The following MYOC variants were observed in gnomAD, a reference collection of about 807,000 sequenced individuals.
MYOC encodes the protein juvenile-onset open-angle glaucoma 1.
MYOC carries 29 observed loss-of-function variants against 28.2 expected under a neutral mutation model. The ratio of observed to expected loss-of-function variants is 1.03; its 90% CI spans 0.77 to 1.40. The LOEUF (loss-of-function observed/expected upper bound fraction) is 1.40. MYOC is among the 40% of genes most tolerant of loss of function. The pLI is 0.00. For missense variants in MYOC, 569 were observed against 620.6 expected (o/e 0.92, Z 0.88); for synonymous variants, 240 against 245.6 (o/e 0.98, Z 0.21).
intron 1 of MYOC, among the ~76,000 whole-genome samples, chr1:171,648,958 G>C (rs750172175): frequency 1.1e-4 from 16 of 150,694 alleles, no homozygotes; most frequent in Non-Finnish European, 1.6e-4. Context: ...AAGTGCTAAG[G>C]TTACAGGTGT....
rs1270841723 is a variant in MYOC, at chr1:171,636,185, T to C, written c.1255A>G (p.Thr419Ala). 1.2e-5 allele frequency: 19 copies of C among 1,614,142 alleles called. No homozygotes were observed. Among genetic ancestry groups the C allele is most frequent in the Non-Finnish European group, 1.5e-5 (18 of 1,180,026 alleles). ...GCGACTGACTGCTTACGGATGTTTG[T>C]CTCCCAGGTTTGTTCGAGTTCCAGA... ...ENLELEQTWE[T>A]NIRKQSVANA... The change falls in exon 3 of 3, where the codon ACA becomes GCA. Residue 419 changes from threonine (T) to alanine (A), a missense_variant. By Grantham distance (58) the Thr-to-Ala change is moderately conservative. Coordinates refer to ENST00000037502, the MANE Select transcript of MYOC (RefSeq NM_000261.2).
chr1:171,643,791 T>A (rs1653135306), intron 1 of MYOC, among the ~76,000 whole-genome samples: 1 of 147,996 alleles, frequency 6.8e-6, no homozygotes, highest in African/African-American at 2.5e-5. Flanking sequence ...ACCAACATGC[T>A]GAAACCCTGT....
chr1:171,644,577 C>CT (rs10545148), intron 1 of MYOC, among the ~76,000 whole-genome samples: 4,423 of 140,136 alleles, frequency 0.032, 115 homozygotes, highest in Non-Finnish European at 0.053. Context: ...TAAAAAACAG[C>CT]TTTTTTTTTT....
At position 171,652,529 on chromosome 1, in the gene MYOC, C is replaced by G. The variant is rs149532234; in HGVS notation, c.83G>C (p.Trp28Ser). The G allele has an allele frequency of 1.6e-5, 26 of 1,614,090 alleles. No individual in the cohort carries two copies. The highest frequency in any genetic ancestry group is 1.9e-5 in the Non-Finnish European group (22 of 1,180,036). Residue 28 changes from tryptophan to serine, a missense_variant, in exon 1 of 3, where the codon TGG becomes TCG. Physicochemically the swap from Trp to Ser is radical, Grantham distance 177. Coordinates refer to ENST00000037502, the MANE Select transcript of MYOC (RefSeq NM_000261.2). ...CTGAGCTGTCCTGGCCCCCACATCC[C>G]ACACCAGGCAGGCCAGAAGCAGCAG... ...VQLLLLACLV[W>S]DVGARTAQLR...
In MYOC at chr1:171,636,038, T is replaced by C; in HGVS notation, c.1402A>G (p.Lys468Glu). The change falls in exon 3 of 3, where the codon AAG becomes GAG. Residue 468 changes from lysine to glutamate, a missense_variant. Physicochemically the swap from Lys to Glu is moderately conservative, Grantham distance 56 (BLOSUM62 1). Transcript: ENST00000037502. ...GISKTLTIPF[K>E]NRYKYSSMID... ...ATGCTGCTGTACTTATAGCGGTTCTTGAATGGGATGGTCAGGGTCTTGCTG... is the reference window on the plus strand; with the variant it reads ...ATGCTGCTGTACTTATAGCGGTTCTCGAATGGGATGGTCAGGGTCTTGCTG... 6.2e-7 allele frequency: 1 copy of C among 1,614,180 alleles called. No individual in the cohort carries two copies. Among genetic ancestry groups the C allele is most frequent in the Non-Finnish European group, 8.5e-7 (1 of 1,180,028 alleles).
At position 171,652,452 on chromosome 1, in the gene MYOC, C is replaced by G; in HGVS notation, c.160G>C (p.Ala54Pro). ...SGRCQYTFSV[A>P]SPNESSCPEQ... is the part of the protein sequence containing the mutation. ...GGGCAGCTGGATTCATTGGGACTGG[C>G]CACACTGAAGGTATACTGGCATCGG... The change falls in exon 1 of 3, where the codon GCC (alanine) becomes CCC (proline). Residue 54 changes from alanine to proline, a missense_variant. Physicochemically the swap from Ala to Pro is conservative, Grantham distance 27. Coordinates refer to ENST00000037502, the MANE Select transcript of MYOC (RefSeq NM_000261.2). 6.2e-7 allele frequency: 1 copy of G among 1,614,216 alleles called. No individual in the cohort carries two copies. Among genetic ancestry groups the G allele is most frequent in the Non-Finnish European group, 8.5e-7 (1 of 1,180,048 alleles).
rs761877439 is a variant in MYOC, at chr1:171,652,493, G to A, written c.119C>T (p.Ala40Val). The A allele has an allele frequency of 6.2e-7, 1 of 1,614,090 alleles. No individual in the cohort carries two copies. Among genetic ancestry groups the A allele is most frequent in the Non-Finnish European group, 8.5e-7 (1 of 1,180,038 alleles). The change falls in exon 1 of 3, where the codon GCC (alanine) becomes GTC (valine). Residue 40 changes from alanine to valine, a missense_variant. Ala to Val is a moderately conservative substitution (Grantham distance 64). Transcript: ENST00000037502. ...VGARTAQLRKANDQSGRCQYT... is the reference protein window; with the variant it reads ...VGARTAQLRKVNDQSGRCQYT... Reference sequence around the variant, plus strand: ...CTGGCATCGGCCACTCTGGTCATTGGCCTTCCTGAGCTGAGCTGTCCTGGC... The same window carrying A: ...CTGGCATCGGCCACTCTGGTCATTGACCTTCCTGAGCTGAGCTGTCCTGGC...
Position 171,652,303 on chromosome 1 carries a change from G to A in MYOC, c.309C>T (p.Thr103=), listed in dbSNP as rs368702811. 88 of 1,611,394 alleles carry A rather than the reference G, an allele frequency of 5.5e-5. 2 individuals carry two copies. The South Asian group carries it at 9.3e-4, about 17-fold the overall frequency. ...CCTGGGGCCTGGCAGCCTGGTCCAA[G>A]GTCAATTGGTGGAGGAGGCTCTCCA... ...SSLESLLHQL[T]LDQAARPQET... The change falls in exon 1 of 3, where the codon ACC becomes ACT. Residue 103 remains threonine, a synonymous_variant. Coordinates refer to ENST00000037502, the MANE Select transcript of MYOC (RefSeq NM_000261.2).
intron 1 of MYOC, among the ~76,000 whole-genome samples, chr1:171,641,783 G>A (rs1200995233): frequency 1.3e-5 from 2 of 152,206 alleles, no homozygotes; most frequent in African/African-American, 4.8e-5. Context: ...GTTCAGGACA[G>A]TGGGAGGAAA....
chr1:171,641,596 T>C (rs1401204253), intron 1 of MYOC, among the ~76,000 whole-genome samples: 1 of 152,178 alleles, frequency 6.6e-6, no homozygotes, highest in Non-Finnish European at 1.5e-5. Flanking sequence ...AGTCCTTTGC[T>C]AACCGTAGGA....
intron 1 of MYOC, 145 bp from the exon 2 acceptor site, chr1:171,638,867 G>A (rs1435463344): frequency 2.5e-6 from 2 of 804,610 alleles, no homozygotes; most frequent in Non-Finnish European, 2.0e-6. Flanking sequence ...GCCGAGGCAG[G>A]CGGATCACCT....
In MYOC at chr1:171,635,994, C is replaced by G; in HGVS notation, c.1446G>C (p.Leu482=). The G allele has an allele frequency of 2.5e-6, 4 of 1,614,152 alleles. No individual in the cohort carries two copies. Among genetic ancestry groups the G allele is most frequent in the Non-Finnish European group, 3.4e-6 (4 of 1,180,018 alleles). The change falls in exon 3 of 3, where the codon CTG becomes CTC. Residue 482 remains leucine (L), a synonymous_variant. Transcript: ENST00000037502. ...TGTCCCAGGCAAAGAGCTTCTTCTC[C>G]AGGGGGTTGTAGTCAATCATGCTGC... The part of the protein sequence containing the change: ...KYSSMIDYNP[L]EKKLFAWDNL...
intron 1 of MYOC, among the ~76,000 whole-genome samples, chr1:171,640,474 C>T (rs1195419148): frequency 6.6e-6 from 1 of 152,176 alleles, no homozygotes; most frequent in Non-Finnish European, 1.5e-5. Context: ...TGGCTCATAC[C>T]TGTAATCCCA....
At chr1:171,646,100 T>C (rs1351535266) in intron 1 of MYOC, among the ~76,000 whole-genome samples, 2 of 152,168 alleles carry the variant, frequency 1.3e-5, no homozygotes, top group Non-Finnish European at 2.9e-5. Flanking sequence ...ACTCCAGGAA[T>C]AGAGCCATCT....
intron 1 of MYOC, among the ~76,000 whole-genome samples, chr1:171,650,609 G>T (rs779944568): frequency 6.6e-6 from 1 of 152,124 alleles, no homozygotes; most frequent in Admixed American, 6.5e-5. Flanking sequence ...CCAGGCTCTG[G>T]CTCTTAGGTT....
chr1:171,651,511 A>T (rs1653352316), intron 1 of MYOC, among the ~76,000 whole-genome samples: 1 of 152,236 alleles, frequency 6.6e-6, no homozygotes, highest in Non-Finnish European at 1.5e-5. Flanking sequence ...AAGAAAACTG[A>T]CAGAGAGGTG....
chr1:171,648,762 A>G (rs1175085739), intron 1 of MYOC, among the ~76,000 whole-genome samples: 1 of 149,796 alleles, frequency 6.7e-6, no homozygotes, highest in African/African-American at 2.4e-5. Flanking sequence ...ATCTTGGCTC[A>G]CTGCAACGTC....
At chr1:171,642,490 T>C (rs1217652346) in intron 1 of MYOC, among the ~76,000 whole-genome samples, 3 of 151,858 alleles carry the variant, frequency 2.0e-5, no homozygotes, top group African/African-American at 7.3e-5. Flanking sequence ...GTGCAGTCTG[T>C]GGTCTCAGCT....
Position 171,636,244 on chromosome 1 carries a change from C to T in MYOC, c.1196G>A (p.Gly399Asp). 1 of 1,614,146 alleles carries T rather than the reference C, an allele frequency of 6.2e-7. No homozygotes were observed. ...WVIYSTDEAK[G>D]AIVLSKLNPE... ...GTTCAGTTTGGAGAGGACAATGGCA[C>T]CTTTGGCCTCATCGGTGCTGTAAAT... The change falls in exon 3 of 3, where the codon GGT (glycine) becomes GAT (aspartate). Residue 399 changes from glycine to aspartate, a missense_variant. Physicochemically the swap from Gly to Asp is moderately conservative, Grantham distance 94. Transcript: ENST00000037502.
Sources: allele counts gnomAD v4.1 joint callset (sites outside exome capture counted in the v4.1 genomes callset), GRCh38; gene constraint gnomAD v4.1.1; transcripts MANE v1.5; gene names NCBI Gene and HGNC (gene_info 2026-07-23, HGNC 2026-07-21).